The following GLRA3 variants were observed in gnomAD, a reference collection of about 807,000 sequenced individuals.
GLRA3 encodes glycine receptor alpha 3.
A neutral mutation model predicts 60.4 loss-of-function variants in GLRA3; 44 were observed. The observed-to-expected ratio is 0.73, with a 90% confidence interval of 0.57 to 0.94. The LOEUF (loss-of-function observed/expected upper bound fraction) is 0.94, where lower values mean the gene tolerates loss of function less well. GLRA3 is among the 40% of genes least tolerant of loss of function. GLRA3 has a pLI of 0.00. For missense variants in GLRA3, 508 were observed against 564.6 expected (o/e 0.90, Z 1.02); for synonymous variants, 223 against 192.9 (o/e 1.16, Z -1.29).
chr4:174,638,074 T>A lies in GLRA3; in HGVS notation c.*5712A>T, dbSNP rs908550264. On this transcript the variant is annotated 3_prime_UTR_variant, in exon 10 of 10. Coordinates refer to ENST00000274093, the MANE Select transcript of GLRA3 (RefSeq NM_006529.4). ...TCTTATAGGAGGGGAATAAACTTAC[T>A]TGGTATTTTAGGAAGTAAAAGTCAT... The A allele has an allele frequency of 1.3e-5, 2 of 152,124 alleles. No homozygotes were observed. The highest frequency in any genetic ancestry group is 2.4e-5 in the African/African-American group (1 of 41,436). 9.4% of individuals were successfully genotyped at this position (152,124 alleles called of 1,614,324 possible).
At chr4:174,774,763 T>TA (rs1212630492) in intron 2 of GLRA3, among the ~76,000 whole-genome samples, 3 of 152,228 alleles carry the variant, frequency 2.0e-5, no homozygotes, top group Non-Finnish European at 4.4e-5. Context: ...TGAATACTTT[T>TA]ATAATAAATT....
intron 5 of GLRA3, chr4:174,712,697 A>T (rs1735757213): frequency 6.6e-6 from 1 of 151,978 alleles, no homozygotes; most frequent in Non-Finnish European, 1.5e-5. Context: ...GGACCCTGGG[A>T]TTCTGACAGC....
At chr4:174,811,030 G>A (rs1740247078) in intron 1 of GLRA3, among the ~76,000 whole-genome samples, 1 of 151,684 alleles carries the variant, frequency 6.6e-6, no homozygotes, top group South Asian at 2.1e-4. Context: ...CCTGATTCTA[G>A]ACAATTCATC....
chr4:174,690,949 T>G (rs1292636494), intron 5 of GLRA3, among the ~76,000 whole-genome samples: 2 of 152,214 alleles, frequency 1.3e-5, no homozygotes, highest in Non-Finnish European at 2.9e-5. Flanking sequence ...TTCAAGTCTT[T>G]GCAATTGTGA....
At chr4:174,732,265 G>GGC (rs1736579305) in intron 3 of GLRA3, among the ~76,000 whole-genome samples, 1 of 151,758 alleles carries the variant, frequency 6.6e-6, no homozygotes, top group Non-Finnish European at 1.5e-5. Context: ...TGAAGCAGGA[G>GGC]AGACGCTTGA....
intron 7 of GLRA3, among the ~76,000 whole-genome samples, chr4:174,664,479 C>T (rs2110908229): frequency 6.6e-6 from 1 of 152,272 alleles, no homozygotes; most frequent in Admixed American, 6.5e-5. Flanking sequence ...CATTAAGAGA[C>T]TCCACTCTGC....
intron 3 of GLRA3, among the ~76,000 whole-genome samples, chr4:174,739,334 T>A (rs1408396000): frequency 3.3e-5 from 5 of 152,348 alleles, no homozygotes; most frequent in East Asian, 3.9e-4. Context: ...ACAACTCATT[T>A]CAGTAATGTA....
intron 4 of GLRA3, among the ~76,000 whole-genome samples, chr4:174,719,940 C>T (rs139644399): frequency 2.4e-4 from 36 of 151,758 alleles, no homozygotes; most frequent in Non-Finnish European, 4.0e-4. Context: ...TAATGGCTAT[C>T]AATGTTAAAA....
At chr4:174,757,272 TACAC>T (rs10555003) in intron 3 of GLRA3, among the ~76,000 whole-genome samples, 65,126 of 150,892 alleles carry the variant, frequency 0.43, 14,145 homozygotes, top group East Asian at 0.51. Flanking sequence ...ATACAACATT[TACAC>T]ACACACACAC....
chr4:174,707,580 G>A (rs902225664), intron 5 of GLRA3, among the ~76,000 whole-genome samples: 2 of 152,098 alleles, frequency 1.3e-5, no homozygotes, highest in African/African-American at 2.4e-5. Flanking sequence ...ATGGAAAGAC[G>A]TCTAGGGGAA....
In GLRA3 at chr4:174,829,033, A is replaced by G; in HGVS notation, c.-222T>C. ...TGTTATAAATGTGCAGGTGATTTTT[A>G]CAGTGAAATTACAAAAATGAGTGAG... On this transcript the variant is annotated 5_prime_UTR_variant, in exon 1 of 10. Coordinates refer to ENST00000274093, the MANE Select transcript of GLRA3 (RefSeq NM_006529.4). 1 of 481,502 alleles carries G rather than the reference A, an allele frequency of 2.1e-6. No homozygotes were observed. The highest frequency in any genetic ancestry group is 3.0e-5 in the South Asian group (1 of 33,182). 29.8% of individuals were successfully genotyped at this position (481,502 alleles called of 1,614,324 possible). A position where few individuals can be genotyped will look rare whatever the true frequency, so the allele number is the denominator to read the frequency against.
rs182264603 is a variant in GLRA3, at chr4:174,643,141, C to T, written c.*645G>A. On this transcript the variant is annotated 3_prime_UTR_variant, in exon 10 of 10. Transcript: ENST00000274093. ...AGAAAAGTAGATTGTGACTGTAACACGATCTCTTGTTATTTGTTTTAAATT... is the reference window on the plus strand; with the variant it reads ...AGAAAAGTAGATTGTGACTGTAACATGATCTCTTGTTATTTGTTTTAAATT... 2.3e-5 allele frequency: 20 copies of T among 877,302 alleles called. No individual in the cohort carries two copies. Among genetic ancestry groups the T allele is most frequent in the East Asian group, 1.2e-4 (1 of 8,334 alleles). The allele number at this position is 877,302 out of a possible 1,614,324, so 54.3% of individuals were successfully genotyped here. A position where few individuals can be genotyped will look rare whatever the true frequency, so the allele number is the denominator to read the frequency against.
At chr4:174,817,287 G>A (rs567581380) in intron 1 of GLRA3, among the ~76,000 whole-genome samples, 42 of 152,294 alleles carry the variant, frequency 2.8e-4, no homozygotes, top group African/African-American at 7.5e-4. Context: ...ATCTATCTTC[G>A]ATCTCAAAGA....
intron 1 of GLRA3, among the ~76,000 whole-genome samples, chr4:174,798,021 T>C (rs925050440): frequency 6.6e-6 from 1 of 152,162 alleles, no homozygotes; most frequent in African/African-American, 2.4e-5. Flanking sequence ...TGACTTTTAA[T>C]ATAATTGCCA....
intron 5 of GLRA3, among the ~76,000 whole-genome samples, chr4:174,707,120 T>C (rs2111068842): frequency 6.6e-6 from 1 of 152,346 alleles, no homozygotes; most frequent in African/African-American, 2.4e-5. Flanking sequence ...TCCATTTAAG[T>C]AATTTATAGC....
intron 5 of GLRA3, among the ~76,000 whole-genome samples, chr4:174,696,321 T>G (rs1224531765): frequency 1.3e-5 from 2 of 151,664 alleles, no homozygotes; most frequent in Non-Finnish European, 1.5e-5. Flanking sequence ...TGATAATATT[T>G]TGTAATATTG....
intron 1 of GLRA3, among the ~76,000 whole-genome samples, chr4:174,818,953 T>C (rs1316071072): frequency 1.3e-5 from 2 of 152,248 alleles, no homozygotes; most frequent in Non-Finnish European, 2.9e-5. Context: ...AGATTGTCTC[T>C]AAGTTCTTTG....
At chr4:174,721,996 G>C (rs912472921) in intron 4 of GLRA3, among the ~76,000 whole-genome samples, 1 of 151,866 alleles carries the variant, frequency 6.6e-6, no homozygotes. Flanking sequence ...AGAAACTCTG[G>C]ACAGCCATAT....
chr4:174,767,050 A>G lies in GLRA3; in HGVS notation c.200-20T>C, dbSNP rs1738169553. 1 of 1,417,462 alleles carries G rather than the reference A, an allele frequency of 7.1e-7. No homozygotes were observed. Among genetic ancestry groups the G allele is most frequent in the Non-Finnish European group, 1.0e-6 (1 of 1,004,710 alleles). 87.8% of individuals were successfully genotyped at this position (1,417,462 alleles called of 1,614,324 possible). The stretch of plus-strand genomic sequence containing the variant: ...GAGGGCCTGAAAAAGAGATGAAAAC[A>G]TAAGGGCTGTTTAGAGACTTATCTA... On this transcript the variant is annotated intron_variant, in intron 2 of 9. Coordinates refer to ENST00000274093, the MANE Select transcript of GLRA3 (RefSeq NM_006529.4).
Sources: gnomAD v4.1 joint callset for allele counts (sites outside exome capture counted in the v4.1 genomes callset) on GRCh38, gnomAD v4.1.1 for gene constraint, MANE v1.5 for transcripts, NCBI Gene and HGNC (gene_info 2026-07-23, HGNC 2026-07-21) for gene names.